The following DLGAP2 variants were observed in gnomAD, a reference collection of about 807,000 sequenced individuals.
The protein encoded by DLGAP2 is DLG associated protein 2, also known as disks large-associated protein 2.
A neutral mutation model predicts 100.3 loss-of-function variants in DLGAP2; 26 were observed. That is an observed-to-expected ratio of 0.26 (90% CI 0.19 to 0.36). DLGAP2 has a LOEUF of 0.36. DLGAP2 is among the 10% of genes least tolerant of loss of function. The pLI is 1.00. For missense variants in DLGAP2, 1,858 were observed against 1,453.2 expected (o/e 1.28, Z -4.53); for synonymous variants, 886 against 630.1 (o/e 1.41, Z -6.08).
intron 2 of DLGAP2, among the ~76,000 whole-genome samples, chr8:1,145,638 G>C (rs1466976186): frequency 6.6e-6 from 1 of 151,874 alleles, no homozygotes; most frequent in Non-Finnish European, 1.5e-5. Flanking sequence ...TATACTTTAA[G>C]TTTTAGGGTA....
chr8:1,152,802 A>T (rs1292312276), intron 2 of DLGAP2, among the ~76,000 whole-genome samples: 2 of 152,110 alleles, frequency 1.3e-5, no homozygotes, highest in Non-Finnish European at 2.9e-5. Flanking sequence ...CCTACATCAC[A>T]TTTTGCCTCT....
chr8:1,227,153 G>GATAGATAGATATATATATATAT (rs796173465), intron 2 of DLGAP2, among the ~76,000 whole-genome samples: 2 of 89,706 alleles, frequency 2.2e-5, no homozygotes, highest in African/African-American at 1.3e-4. Context: ...GAAACTGTGA[G>GATAGATAGATATATATATATAT]ATATATATAT....
intron 3 of DLGAP2, among the ~76,000 whole-genome samples, chr8:1,332,515 G>A (rs997447691): frequency 5.3e-5 from 8 of 152,112 alleles, no homozygotes; most frequent in Admixed American, 1.3e-4. Context: ...ATATCTGCAC[G>A]TGTGTGTCAT....
In DLGAP2 at chr8:1,150,157, A is replaced by G. The variant is rs561664759; in HGVS notation, c.74-108694A>G. 2.6e-5 allele frequency among the ~76,000 whole-genome samples: 4 copies of G among 152,252 alleles called. No homozygotes were observed. In the East Asian group the frequency reaches 7.7e-4, roughly 29 times the overall value. On this transcript the variant is annotated intron_variant, in intron 2 of 14. Coordinates refer to ENST00000637795, the MANE Select transcript of DLGAP2 (RefSeq NM_001346810.2). Reference sequence around the variant, plus strand: ...CTCCCCTAATTTTTGCTTTAGTGTGAATCTCTTCGAAGAAAATTCTCTCAA... The same window carrying G: ...CTCCCCTAATTTTTGCTTTAGTGTGGATCTCTTCGAAGAAAATTCTCTCAA...
At chr8:1,500,008 A>C (rs556313963) in intron 3 of DLGAP2, among the ~76,000 whole-genome samples, 192 of 152,192 alleles carry the variant, frequency 1.3e-3, no homozygotes, top group Middle Eastern at 3.4e-3. Flanking sequence ...CAAATGTGAG[A>C]TGTGCCTCAA....
chr8:1,610,368 C>A (rs1040919557), intron 6 of DLGAP2, among the ~76,000 whole-genome samples: 1 of 151,588 alleles, frequency 6.6e-6, no homozygotes, highest in South Asian at 2.1e-4. Context: ...AAACCAGAAT[C>A]TCTGGGACGC....
intron 2 of DLGAP2, among the ~76,000 whole-genome samples, chr8:1,184,371 C>T (rs967493651): frequency 6.6e-6 from 1 of 152,196 alleles, no homozygotes; most frequent in Non-Finnish European, 1.5e-5. Flanking sequence ...TTCTGGGGAG[C>T]GGCTGTCCGC....
rs573954583 is a variant in DLGAP2, at chr8:1,453,008, A to G, written c.107-48358A>G. ...GGAGACGTGAGAAGTCCACAATTCA[A>G]AGGAAGACACACTGAGTGCCATCTG... On this transcript the variant is annotated intron_variant, in intron 3 of 14. Coordinates refer to ENST00000637795, the MANE Select transcript of DLGAP2 (RefSeq NM_001346810.2). Among the ~76,000 whole-genome samples the G allele has an allele frequency of 7.9e-5, 12 of 152,306 alleles. No homozygotes were observed. In the South Asian group the frequency reaches 1.2e-3, roughly 16 times the overall value.
intron 2 of DLGAP2, among the ~76,000 whole-genome samples, chr8:1,166,274 C>G (rs559670158): frequency 6.6e-6 from 1 of 152,214 alleles, no homozygotes. Flanking sequence ...GCCCAGTCCC[C>G]GTGCAAGATG....
intron 3 of DLGAP2, among the ~76,000 whole-genome samples, chr8:1,422,807 C>T (rs534984695): frequency 5.3e-5 from 8 of 152,252 alleles, no homozygotes; most frequent in Admixed American, 3.3e-4. Context: ...GGGAGTGTTT[C>T]ATCCACAAGC....
intron 2 of DLGAP2, among the ~76,000 whole-genome samples, chr8:1,174,518 A>G (rs1797210180): frequency 1.3e-5 from 2 of 151,996 alleles, no homozygotes; most frequent in South Asian, 2.1e-4. Context: ...CATTATCACC[A>G]TCACCAAAAT....
intron 5 of DLGAP2, among the ~76,000 whole-genome samples, chr8:1,557,493 C>G (rs1456547926): frequency 6.6e-6 from 1 of 152,110 alleles, no homozygotes; most frequent in Admixed American, 6.5e-5. Context: ...TCGGCCGATT[C>G]TGAGAGAACT....
chr8:1,528,799 C>T (rs1221968140), intron 4 of DLGAP2, among the ~76,000 whole-genome samples: 1 of 152,168 alleles, frequency 6.6e-6, no homozygotes, highest in African/African-American at 2.4e-5. Context: ...GAATGTCCTG[C>T]CATCTTAAGG....
intron 2 of DLGAP2, among the ~76,000 whole-genome samples, chr8:1,106,847 C>A (rs1437032483): frequency 6.6e-6 from 1 of 152,120 alleles, no homozygotes; most frequent in Non-Finnish European, 1.5e-5. Flanking sequence ...CTGTGATGAA[C>A]TGTGTTCAAA....
chr8:1,696,897 C>A (rs1391115529), intron 13 of DLGAP2, among the ~76,000 whole-genome samples: 13 of 152,230 alleles, frequency 8.5e-5, no homozygotes, highest in Admixed American at 8.5e-4. Context: ...TCCCATCTGC[C>A]CCATTCCCAG....
At chr8:1,256,187 C>CCA (rs1799208369) in intron 2 of DLGAP2, among the ~76,000 whole-genome samples, 2 of 95,172 alleles carry the variant, frequency 2.1e-5, no homozygotes, top group South Asian at 4.1e-4. Flanking sequence ...TGCCTGGGTG[C>CCA]TGTGTGTGTC....
intron 3 of DLGAP2, among the ~76,000 whole-genome samples, chr8:1,288,213 G>A (rs1286848753): frequency 1.4e-5 from 2 of 140,524 alleles, no homozygotes; most frequent in East Asian, 2.2e-4. Flanking sequence ...GTGTGTGTGT[G>A]TGTGGTTAGG....
chr8:1,289,474 C>T (rs1368841840), intron 3 of DLGAP2, among the ~76,000 whole-genome samples: 1 of 152,188 alleles, frequency 6.6e-6, no homozygotes, highest in Non-Finnish European at 1.5e-5. Context: ...AGCCCCTCTG[C>T]ACACTGGACA....
chr8:1,641,997 CGACCCCGCTGGTCCT>C (rs1306234188), intron 8 of DLGAP2, among the ~76,000 whole-genome samples: 3 of 45,410 alleles, frequency 6.6e-5, no homozygotes, highest in East Asian at 5.4e-4. Context: ...GTGTCACCCT[CGACCCCGCTGGTCCT>C]CACCTGTGTC....
Sources: allele counts gnomAD v4.1 joint callset (sites outside exome capture counted in the v4.1 genomes callset), GRCh38; gene constraint gnomAD v4.1.1; transcripts MANE v1.5; gene names NCBI Gene and HGNC (gene_info 2026-07-23, HGNC 2026-07-21).